The following ELP1 variants were observed in gnomAD, a reference collection of about 807,000 sequenced individuals.
The protein encoded by ELP1 is elongator complex protein 1.
A neutral mutation model predicts 183.2 loss-of-function variants in ELP1; 131 were observed. The observed-to-expected ratio is 0.72, with a 90% CI of 0.62 to 0.83. The LOEUF (loss-of-function observed/expected upper bound fraction) is 0.83, where lower values mean the gene tolerates loss of function less well. ELP1 is among the 40% of genes least tolerant of loss of function. ELP1 has a pLI of 0.00. For synonymous variants in ELP1, 555 were observed against 569.0 expected, an observed-to-expected ratio of 0.98 and a Z score of 0.35; for missense variants, 1,550 against 1,594.9, an observed-to-expected ratio of 0.97 and a Z score of 0.48.
intron 29 of ELP1, among the ~76,000 whole-genome samples, chr9:108,884,098 T>C (rs373790299): frequency 6.6e-6 from 1 of 151,526 alleles, no homozygotes; most frequent in East Asian, 1.9e-4. Flanking sequence ...TAGAAAAAGA[T>C]ATGCAATGAA....
intron 5 of ELP1, 78 bp from the exon 6 acceptor site, chr9:108,923,005 G>C: frequency 9.4e-7 from 1 of 1,062,910 alleles, no homozygotes; most frequent in Non-Finnish European, 1.5e-6. Context: ...TCTTCATGAA[G>C]TTAGTCATTG....
intron 36 of ELP1, among the ~76,000 whole-genome samples, chr9:108,870,969 ATTTTTT>A (rs33952302): frequency 5.6e-4 from 47 of 83,564 alleles, no homozygotes; most frequent in Non-Finnish European, 1.3e-4. Context: ...TTCATGCACC[ATTTTTT>A]TTTTTTTTTT....
At chr9:108,897,436 C>A in intron 22 of ELP1, 151 bp from the exon 23 acceptor site, 1 of 845,194 alleles carries the variant, frequency 1.2e-6, no homozygotes, top group South Asian at 1.5e-5. Context: ...TAAAACATGT[C>A]CACAAAAGAC....
intron 11 of ELP1, among the ~76,000 whole-genome samples, chr9:108,911,601 T>A (rs915060964): frequency 6.6e-6 from 1 of 152,260 alleles, no homozygotes; most frequent in Non-Finnish European, 1.5e-5. Flanking sequence ...AATACATGAC[T>A]ATAAAATCAG....
At position 108,901,525 on chromosome 9, in the gene ELP1, C is replaced by T. The variant is rs142096497; in HGVS notation, c.1914G>A (p.Ala638=). Residue 638 remains alanine (A), a synonymous_variant, in exon 18 of 37, where the codon GCG becomes GCA. Transcript: ENST00000374647. Reference sequence around the variant, plus strand: ...ATACTGCAAATGACGTGATATTTGACGCAACCTGCAAGAGAAGGCCAGAGA... The same window carrying T: ...ATACTGCAAATGACGTGATATTTGATGCAACCTGCAAGAGAAGGCCAGAGA... ...CRFFINDIEV[A]SNITSFAVYD... 106 of 1,613,618 alleles carry T rather than the reference C, an allele frequency of 6.6e-5. 1 individual carries two copies. The highest frequency in any genetic ancestry group is 2.4e-4 in the South Asian group (22 of 91,066).
At chr9:108,879,349 C>T (rs947926600) in intron 33 of ELP1, 97 bp downstream of exon 33, 1 of 867,366 alleles carries the variant, frequency 1.2e-6, no homozygotes, top group Admixed American at 1.9e-5. Context: ...TCTCCCCACT[C>T]CCACTACACC....
At chr9:108,926,627 G>A (rs1285090687) in intron 4 of ELP1, 24 bp from the exon 5 acceptor site, 3 of 1,590,650 alleles carry the variant, frequency 1.9e-6, no homozygotes, top group Non-Finnish European at 2.6e-6. Context: ...AAACAAAAAT[G>A]ATTTTGTTTT....
intron 29 of ELP1, among the ~76,000 whole-genome samples, chr9:108,883,547 T>G (rs1212065495): frequency 9.9e-6 from 1 of 101,324 alleles, no homozygotes; most frequent in African/African-American, 4.0e-5. Flanking sequence ...ACTCGGAAAA[T>G]ACTGAATCTT....
chr9:108,918,134 G>C (rs761596440), intron 8 of ELP1, among the ~76,000 whole-genome samples: 11 of 152,072 alleles, frequency 7.2e-5, no homozygotes, highest in Non-Finnish European at 1.6e-4. Context: ...TTTGTCTCTA[G>C]GGTTTTAATT....
intron 18 of ELP1, among the ~76,000 whole-genome samples, chr9:108,900,582 T>C (rs1774766483): frequency 6.6e-6 from 1 of 152,218 alleles, no homozygotes; most frequent in African/African-American, 2.4e-5. Flanking sequence ...AGAGCCCTCA[T>C]GCACATTCAC....
intron 10 of ELP1, 103 bp downstream of exon 10, chr9:108,916,101 T>C: frequency 1.1e-6 from 1 of 902,346 alleles, no homozygotes; most frequent in East Asian, 2.4e-5. Flanking sequence ...GCATCTTTGA[T>C]TCTACTAAGG....
chr9:108,928,808 G>A (rs1205845894), intron 3 of ELP1, among the ~76,000 whole-genome samples: 10 of 152,242 alleles, frequency 6.6e-5, no homozygotes, highest in Admixed American at 2.0e-4. Context: ...AGCTGTATAT[G>A]ACAAGTTTGA....
intron 36 of ELP1, among the ~76,000 whole-genome samples, chr9:108,873,237 G>C (rs145010676): frequency 6.6e-6 from 1 of 152,246 alleles, no homozygotes; most frequent in East Asian, 1.9e-4. Context: ...ACTTGCAATT[G>C]ATCTGCATGA....
At chr9:108,924,027 G>A (rs1829745709) in intron 5 of ELP1, among the ~76,000 whole-genome samples, 1 of 152,158 alleles carries the variant, frequency 6.6e-6, no homozygotes, top group African/African-American at 2.4e-5. Flanking sequence ...TTGCTGCTGC[G>A]TACAAATGGT....
chr9:108,924,618 C>T (rs1406797026), intron 5 of ELP1, among the ~76,000 whole-genome samples: 6 of 152,188 alleles, frequency 3.9e-5, no homozygotes, highest in Non-Finnish European at 8.8e-5. Flanking sequence ...TCTTCCTGTA[C>T]AGCATCTGCT....
At position 108,896,491 on chromosome 9, in the gene ELP1, C is replaced by G. The variant is rs766730961; in HGVS notation, c.2736+5G>C. 1 of 1,613,990 alleles carries G rather than the reference C, an allele frequency of 6.2e-7. No homozygotes were observed. Among genetic ancestry groups the G allele is most frequent in the South Asian group, 1.1e-5 (1 of 91,082 alleles). On this transcript the variant is annotated splice_donor_5th_base_variant and intron_variant, in intron 25 of 36. Coordinates refer to ENST00000374647, the MANE Select transcript of ELP1 (RefSeq NM_003640.5). ...AAATGGCATAAAAGTAAGAACTCCACATACCTTCTGTGACTTCTCAGCTAC... is the reference window on the plus strand; with the variant it reads ...AAATGGCATAAAAGTAAGAACTCCAGATACCTTCTGTGACTTCTCAGCTAC...
intron 13 of ELP1, 30 bp downstream of exon 13, chr9:108,908,275 C>T (rs780906892): frequency 2.0e-6 from 3 of 1,530,008 alleles, no homozygotes; most frequent in Admixed American, 1.7e-5. Context: ...TGATTCTGTT[C>T]CCAGAAGCCC....
intron 11 of ELP1, 42 bp from the exon 12 acceptor site, chr9:108,911,222 T>A: frequency 1.3e-6 from 2 of 1,587,464 alleles, no homozygotes; most frequent in Non-Finnish European, 1.7e-6. Flanking sequence ...CTAGGGATAT[T>A]CAATTTGTAA....
intron 36 of ELP1, among the ~76,000 whole-genome samples, chr9:108,874,254 C>A (rs984022074): frequency 2.0e-5 from 3 of 152,064 alleles, no homozygotes; most frequent in Non-Finnish European, 4.4e-5. Context: ...TAAGTAAGGG[C>A]AAATACTGAA....
Sources: gnomAD v4.1 joint callset for allele counts (sites outside exome capture counted in the v4.1 genomes callset) on GRCh38, gnomAD v4.1.1 for gene constraint, MANE v1.5 for transcripts, NCBI Gene and HGNC (gene_info 2026-07-23, HGNC 2026-07-21) for gene names.